Variants in RPS13 observed in about 807,000 individuals in gnomAD.
RPS13 encodes small ribosomal subunit protein uS15.
A neutral mutation model predicts 24.6 loss-of-function variants in RPS13; 1 was observed. That is an observed-to-expected ratio of 0.04 (90% CI 0.01 to 0.19). The LOEUF (loss-of-function observed/expected upper bound fraction) is 0.19, where lower values mean the gene tolerates loss of function less well. RPS13 is among the 10% of genes least tolerant of loss of function. RPS13 has a pLI of 1.00. For synonymous variants in RPS13, 69 were observed against 65.3 expected (o/e 1.06, Z -0.27); for missense variants, 88 against 187.4 (o/e 0.47, Z 3.10).
intron 3 of RPS13, chr11:17,075,912 C>CAGCTAACATTTACTG: frequency 1.9e-6 from 1 of 519,714 alleles, no homozygotes; most frequent in South Asian, 1.7e-5. Context: ...TGAGATTCCA[C>CAGCTAACATTTACTG]AGCTAACATT....
intron 3 of RPS13, 171 bp from the exon 4 acceptor site, chr11:17,075,794 AG>A (rs1848016899): frequency 1.4e-6 from 1 of 697,936 alleles, no homozygotes; most frequent in South Asian, 1.5e-5. Flanking sequence ...CAGACATCCA[AG>A]GAAGGTTTAC....
At chr11:17,075,840 C>T (rs754765878) in intron 3 of RPS13, 36 of 650,364 alleles carry the variant, frequency 5.5e-5, no homozygotes, top group Non-Finnish European at 1.4e-5. Flanking sequence ...GTGGAAACTG[C>T]GAATGTTGGA....
chr11:17,077,554 T>A (rs1300944392), intron 1 of RPS13, 65 bp downstream of exon 1: 8 of 1,611,200 alleles, frequency 5.0e-6, no homozygotes, highest in East Asian at 2.2e-5. Flanking sequence ...CTCGGCCCGC[T>A]GCCCACACTC....
intron 3 of RPS13, chr11:17,076,532 G>T: frequency 2.5e-6 from 1 of 400,002 alleles, no homozygotes; most frequent in Non-Finnish European, 4.9e-6. Flanking sequence ...CTCCAGACTG[G>T]GCGACAAGAG....
chr11:17,077,644 T>A lies in RPS13; in HGVS notation c.-3A>T. 6.3e-7 allele frequency: 1 copy of A among 1,582,150 alleles called. No homozygotes were observed. Among genetic ancestry groups the A allele is most frequent in the Non-Finnish European group, 8.6e-7 (1 of 1,162,952 alleles). On this transcript the variant is annotated 5_prime_UTR_variant, in exon 1 of 6. Transcript: ENST00000525634. ...CCGGGAGCATGCATGCGACCCATGA[T>A]GGCGGCGATCAGGCAACGAAAGGAG...
intron 3 of RPS13, chr11:17,076,689 A>G: frequency 3.2e-6 from 1 of 313,406 alleles, no homozygotes; most frequent in South Asian, 2.4e-5. Context: ...CTGGGACTAC[A>G]GGCACATTGC....
intron 3 of RPS13, 94 bp downstream of exon 3, chr11:17,077,074 T>A: frequency 1.1e-6 from 1 of 916,424 alleles, no homozygotes; most frequent in Non-Finnish European, 1.8e-6. Context: ...GAGACCAGAG[T>A]TTTGGCTATT....
Position 17,075,509 on chromosome 11 carries a change from T to C in RPS13, c.266A>G (p.Tyr89Cys), listed in dbSNP as rs1324037191. Residue 89 changes from tyrosine (Y) to cysteine (C), a missense_variant, in exon 4 of 6, where the codon TAC becomes TGC. Transcript: ENST00000525634. ...AGCAACTGCTTTCTTAATTAAATGGTAGAGATCTTCAGGAAGATCAGGAGC... is the reference window on the plus strand; with the variant it reads ...AGCAACTGCTTTCTTAATTAAATGGCAGAGATCTTCAGGAAGATCAGGAGC... ...GLAPDLPEDL[Y>C]HLIKKAVAVR... 6.3e-7 allele frequency: 1 copy of C among 1,596,058 alleles called. No individual in the cohort carries two copies. The highest frequency in any genetic ancestry group is 1.4e-5 in the African/African-American group (1 of 73,638).
In RPS13 at chr11:17,075,508, G is replaced by A; in HGVS notation, c.267C>T (p.Tyr89=). The change falls in exon 4 of 6, where the codon TAC becomes TAT. Residue 89 remains tyrosine (Y), a synonymous_variant. Transcript: ENST00000525634. The part of the protein sequence containing the change: ...GLAPDLPEDL[Y]HLIKKAVAVR... The stretch of plus-strand genomic sequence containing the variant: ...CAGCAACTGCTTTCTTAATTAAATG[G>A]TAGAGATCTTCAGGAAGATCAGGAG... 6.3e-7 allele frequency: 1 copy of A among 1,594,960 alleles called. No homozygotes were observed. Among genetic ancestry groups the A allele is most frequent in the South Asian group, 1.1e-5 (1 of 87,212 alleles).
chr11:17,075,744 C>T (rs1313930230), intron 3 of RPS13, 121 bp from the exon 4 acceptor site: 1 of 792,484 alleles, frequency 1.3e-6, no homozygotes, highest in Non-Finnish European at 2.1e-6. Context: ...TACTTTTATA[C>T]ATCACAGAAA....
intron 3 of RPS13, chr11:17,075,944 ATTC>A: frequency 2.3e-6 from 1 of 440,474 alleles, no homozygotes; most frequent in Non-Finnish European, 4.4e-6. Flanking sequence ...CTGGTCAGAT[ATTC>A]TTCTAAAAAC....
chr11:17,076,080 A>C, intron 3 of RPS13: 1 of 262,612 alleles, frequency 3.8e-6, no homozygotes, highest in Non-Finnish European at 7.7e-6. Context: ...GATATTTTGC[A>C]CCCCCCTCCC....
rs200248137 is a variant in RPS13, at chr11:17,074,476, A to G, written c.423-10T>C. ...GGCTGTAGATGATTCACTGAAAAAG[A>G]AAAAAGGGGAAAGAAAGAAAATCAG... On this transcript the variant is annotated splice_polypyrimidine_tract_variant and intron_variant, in intron 5 of 5. Coordinates refer to ENST00000525634, the MANE Select transcript of RPS13 (RefSeq NM_001017.3). 593 of 1,606,880 alleles carry G rather than the reference A, an allele frequency of 3.7e-4. No homozygotes were observed. Among genetic ancestry groups the G allele is most frequent in the Non-Finnish European group, 4.8e-4 (569 of 1,174,066 alleles).
Position 17,077,657 on chromosome 11 carries a change from G to A in RPS13, c.-16C>T, listed in dbSNP as rs775127033. 5 of 1,613,080 alleles carry A rather than the reference G, an allele frequency of 3.1e-6. No individual in the cohort carries two copies. In the African/African-American group the frequency reaches 4.0e-5, roughly 13 times the overall value. On this transcript the variant is annotated 5_prime_UTR_variant, in exon 1 of 6. Coordinates refer to ENST00000525634, the MANE Select transcript of RPS13 (RefSeq NM_001017.3). ...TGCGACCCATGATGGCGGCGATCAG[G>A]CAACGAAAGGAGAGCGAGAGTGGAA...
chr11:17,077,314 C>T, intron 2 of RPS13, 68 bp from the exon 3 acceptor site: 2 of 1,577,160 alleles, frequency 1.3e-6, no homozygotes, highest in Non-Finnish European at 8.7e-7. Flanking sequence ...AGCGGTCTCT[C>T]CTTCCGCAAA....
In RPS13 at chr11:17,077,646, G is replaced by A; in HGVS notation, c.-5C>T. 6.2e-7 allele frequency: 1 copy of A among 1,612,614 alleles called. No homozygotes were observed. Among genetic ancestry groups the A allele is most frequent in the African/African-American group, 1.3e-5 (1 of 74,412 alleles). ...GGGAGCATGCATGCGACCCATGATG[G>A]CGGCGATCAGGCAACGAAAGGAGAG... On this transcript the variant is annotated 5_prime_UTR_variant, in exon 1 of 6. Coordinates refer to ENST00000525634, the MANE Select transcript of RPS13 (RefSeq NM_001017.3).
intron 3 of RPS13, chr11:17,076,481 A>G (rs11820353): frequency 0.015 from 5,416 of 352,056 alleles, 302 homozygotes; most frequent in African/African-American, 0.11. Flanking sequence ...GCTTGAATCC[A>G]GGAGGTGGAG....
rs538230435 is a variant in RPS13, at chr11:17,075,183, T to C, written c.336A>G (p.Lys112=). ...GGCTCTCTATTAGAATCAGACGGAA[T>C]TTAGCATCCTTATCCTAAAAATAAA... ...LERNRKDKDA[K]FRLILIESRI... Residue 112 remains lysine, a synonymous_variant, in exon 5 of 6, where the codon AAA becomes AAG. Coordinates refer to ENST00000525634, the MANE Select transcript of RPS13 (RefSeq NM_001017.3). 6.2e-7 allele frequency: 1 copy of C among 1,601,448 alleles called. No homozygotes were observed. The highest frequency in any genetic ancestry group is 2.2e-5 in the East Asian group (1 of 44,742).
chr11:17,077,266 A>G lies in RPS13; in HGVS notation c.73-20T>C. ...CAACCACTGTTATGGAATAGAAAGC[A>G]GCCTTAGGATGAGAACCCAGGAATG... On this transcript the variant is annotated intron_variant, in intron 2 of 5. Transcript: ENST00000525634. 6.2e-7 allele frequency: 1 copy of G among 1,610,488 alleles called. No homozygotes were observed. The highest frequency in any genetic ancestry group is 8.5e-7 in the Non-Finnish European group (1 of 1,176,752).
Sources: allele counts gnomAD v4.1 joint callset, GRCh38; gene constraint gnomAD v4.1.1; transcripts MANE v1.5; gene names NCBI Gene and HGNC (gene_info 2026-07-23, HGNC 2026-07-21).